The following MAPK1IP1L variants were observed in gnomAD, a reference collection of about 807,000 sequenced individuals.
MAPK1IP1L encodes MAPK-interacting and spindle-stabilizing protein-like.
In MAPK1IP1L, 10 loss-of-function variants were observed where a neutral mutation model predicts 18.1. The ratio of observed to expected loss-of-function variants is 0.55; its 90% CI spans 0.34 to 0.94. The LOEUF is 0.94. MAPK1IP1L is among the 40% of genes least tolerant of loss of function. The pLI is 0.02. For missense variants in MAPK1IP1L, 260 were observed against 318.2 expected, an observed-to-expected ratio of 0.82 and a Z score of 1.39; for synonymous variants, 115 against 117.3, an observed-to-expected ratio of 0.98 and a Z score of 0.13.
chr14:55,055,375 A>C (rs1343758091), intron 1 of MAPK1IP1L, among the ~76,000 whole-genome samples: 1 of 152,202 alleles, frequency 6.6e-6, no homozygotes, highest in Non-Finnish European at 1.5e-5. Context: ...GTATTCTCCA[A>C]AGAACAAATT....
At chr14:55,053,254 G>A (rs1158536340) in intron 1 of MAPK1IP1L, among the ~76,000 whole-genome samples, 1 of 152,166 alleles carries the variant, frequency 6.6e-6, no homozygotes, top group Non-Finnish European at 1.5e-5. Context: ...GTACGATTCC[G>A]ATCTTCCTTT....
chr14:55,063,921 C>G (rs997808468), intron 3 of MAPK1IP1L: 2 of 151,776 alleles, frequency 1.3e-5, no homozygotes, highest in Admixed American at 6.6e-5. Context: ...TGGAAAAGTA[C>G]CCCACTTCCC....
chr14:55,051,769 C>T lies in MAPK1IP1L; in HGVS notation c.-39C>T, dbSNP rs1192899535. 5.9e-6 allele frequency: 3 copies of T among 510,060 alleles called. No homozygotes were observed. Among genetic ancestry groups the T allele is most frequent in the African/African-American group, 4.0e-5 (2 of 50,352 alleles). 31.6% of individuals were successfully genotyped at this position (510,060 alleles called of 1,614,324 possible). Reference sequence around the variant, plus strand: ...GCCCAGTCCCTCGGACCCATCGCCGCTTCTAGACCCTACTGCGGTCTCGGA... The same window carrying T: ...GCCCAGTCCCTCGGACCCATCGCCGTTTCTAGACCCTACTGCGGTCTCGGA... On this transcript the variant is annotated 5_prime_UTR_variant, in exon 1 of 4. Coordinates refer to ENST00000395468, the MANE Select transcript of MAPK1IP1L (RefSeq NM_144578.4).
intron 1 of MAPK1IP1L, chr14:55,060,246 A>G (rs913558967): frequency 2.2e-5 from 3 of 134,420 alleles, no homozygotes; most frequent in African/African-American, 8.4e-5. Context: ...ATCTCGGCTC[A>G]CTGCAAGCTC....
At chr14:55,053,846 C>T (rs2042749708) in intron 1 of MAPK1IP1L, among the ~76,000 whole-genome samples, 1 of 152,162 alleles carries the variant, frequency 6.6e-6, no homozygotes, top group Non-Finnish European at 1.5e-5. Flanking sequence ...CTCTAAAGGC[C>T]AACACATTGT....
chr14:55,061,775 T>C, intron 2 of MAPK1IP1L, 74 bp downstream of exon 2: 1 of 1,225,960 alleles, frequency 8.2e-7, no homozygotes, highest in Non-Finnish European at 1.1e-6. Flanking sequence ...CTGGGCTACG[T>C]AAATCTTTTC....
chr14:55,056,718 C>G (rs991525269), intron 1 of MAPK1IP1L, among the ~76,000 whole-genome samples: 8 of 152,072 alleles, frequency 5.3e-5, no homozygotes, highest in Non-Finnish European at 1.0e-4. Context: ...ACCTTGTTAG[C>G]CAGGATGGTC....
intron 1 of MAPK1IP1L, among the ~76,000 whole-genome samples, chr14:55,052,846 C>T (rs2042741607): frequency 6.6e-6 from 1 of 152,150 alleles, no homozygotes; most frequent in Non-Finnish European, 1.5e-5. Context: ...TCACTCCAGG[C>T]GGAATGGGTA....
intron 1 of MAPK1IP1L, chr14:55,060,922 A>G (rs1258424780): frequency 6.6e-6 from 1 of 152,188 alleles, no homozygotes; most frequent in Non-Finnish European, 1.5e-5. Flanking sequence ...GGGTCCTTTG[A>G]TCCCAGGAGT....
chr14:55,064,296 GAAAAAAAA>G (rs957100096), intron 3 of MAPK1IP1L, among the ~76,000 whole-genome samples: 2 of 141,342 alleles, frequency 1.4e-5, no homozygotes, highest in Non-Finnish European at 3.1e-5. Flanking sequence ...GCCCAGCCAG[GAAAAAAAA>G]AAAATCTGTT....
rs1313786446 is a variant in MAPK1IP1L at position 55,067,796 on chromosome 14, T to C, written c.*3169T>C. On this transcript the variant is annotated 3_prime_UTR_variant, in exon 4 of 4. Coordinates refer to ENST00000395468, the MANE Select transcript of MAPK1IP1L (RefSeq NM_144578.4). ...GGAAAAGACTGCTTGTTAGCAAGTA[T>C]ATTTGGTCTTGAGGGGGATACAGAT... The C allele has an allele frequency of 6.6e-6, 1 of 152,212 alleles. No individual in the cohort carries two copies. Among genetic ancestry groups the C allele is most frequent in the East Asian group, 1.9e-4 (1 of 5,202 alleles). The allele number at this position is 152,212 out of a possible 1,614,324, so 9.4% of individuals were successfully genotyped here.
chr14:55,059,082 G>C (rs2042793648), intron 1 of MAPK1IP1L, among the ~76,000 whole-genome samples: 1 of 151,432 alleles, frequency 6.6e-6, no homozygotes, highest in Non-Finnish European at 1.5e-5. Context: ...ACTATACCTT[G>C]TTCTTGAACG....
In MAPK1IP1L at chr14:55,068,158, A is replaced by G. The variant is rs568145032; in HGVS notation, c.*3531A>G. ...TCAGAAATAGACAATACATTTTTTA[A>G]TTACCCAAGGACTGACTGTTTTGTG... On this transcript the variant is annotated 3_prime_UTR_variant, in exon 4 of 4. Transcript: ENST00000395468. The G allele has an allele frequency of 6.2e-4, 95 of 152,500 alleles. No homozygotes were observed. The highest frequency in any genetic ancestry group is 2.3e-3 in the African/African-American group (94 of 41,560). The allele number at this position is 152,500 out of a possible 1,614,324, so 9.4% of individuals were successfully genotyped here.
At position 55,065,364 on chromosome 14, in the gene MAPK1IP1L, C is replaced by G. The variant is rs768886409; in HGVS notation, c.*737C>G. Reference sequence around the variant, plus strand: ...TTAGATAATTGATTATCTCTTTGTACTACTTGAGATTTGATTATGAGATGT... The same window carrying G: ...TTAGATAATTGATTATCTCTTTGTAGTACTTGAGATTTGATTATGAGATGT... On this transcript the variant is annotated 3_prime_UTR_variant, in exon 4 of 4. Coordinates refer to ENST00000395468, the MANE Select transcript of MAPK1IP1L (RefSeq NM_144578.4). The G allele has an allele frequency of 6.6e-6, 1 of 152,160 alleles. No individual in the cohort carries two copies. Among genetic ancestry groups the G allele is most frequent in the Non-Finnish European group, 1.5e-5 (1 of 68,024 alleles). The allele number at this position is 152,160 out of a possible 1,614,324, so 9.4% of individuals were successfully genotyped here.
At chr14:55,052,644 G>A (rs1210212140) in intron 1 of MAPK1IP1L, among the ~76,000 whole-genome samples, 1 of 152,136 alleles carries the variant, frequency 6.6e-6, no homozygotes, top group Non-Finnish European at 1.5e-5. Context: ...GGGTTGTAAA[G>A]GTCTGTTTCG....
intron 2 of MAPK1IP1L, 47 bp downstream of exon 2, chr14:55,061,748 A>G (rs1005796788): frequency 1.4e-6 from 2 of 1,454,286 alleles, no homozygotes; most frequent in Non-Finnish European, 1.9e-6. Flanking sequence ...CTCTTAAGAA[A>G]AACAACATGG....
At chr14:55,053,560 G>C (rs1012318590) in intron 1 of MAPK1IP1L, among the ~76,000 whole-genome samples, 1 of 152,032 alleles carries the variant, frequency 6.6e-6, no homozygotes, top group Admixed American at 6.6e-5. Context: ...TTTATAGTTC[G>C]GGTTCATTCA....
Position 55,068,656 on chromosome 14 carries a change from T to C in MAPK1IP1L, c.*4029T>C, listed in dbSNP as rs2042883883. 2 of 152,266 alleles carry C rather than the reference T, an allele frequency of 1.3e-5. No homozygotes were observed. The highest frequency in any genetic ancestry group is 4.1e-4 in the South Asian group (2 of 4,838). 9.4% of individuals were successfully genotyped at this position (152,266 alleles called of 1,614,324 possible). A position where few individuals can be genotyped will look rare whatever the true frequency, so the allele number is the denominator to read the frequency against. Reference sequence around the variant, plus strand: ...TGTAGGTGGCGTTCAGGGAAGACTTTGATTTTAATAAAGCAATATTTAGTA... The same window carrying C: ...TGTAGGTGGCGTTCAGGGAAGACTTCGATTTTAATAAAGCAATATTTAGTA... On this transcript the variant is annotated 3_prime_UTR_variant, in exon 4 of 4. Transcript: ENST00000395468.
At chr14:55,053,799 A>G (rs947920471) in intron 1 of MAPK1IP1L, among the ~76,000 whole-genome samples, 1 of 152,218 alleles carries the variant, frequency 6.6e-6, no homozygotes, top group African/African-American at 2.4e-5. Context: ...TGCAAAAGAC[A>G]GCACATCTCA....
Sources: gnomAD v4.1 joint callset for allele counts (sites outside exome capture counted in the v4.1 genomes callset) on GRCh38, gnomAD v4.1.1 for gene constraint, MANE v1.5 for transcripts, NCBI Gene and HGNC (gene_info 2026-07-23, HGNC 2026-07-21) for gene names.